The following ATRX variants were observed in gnomAD, a reference collection of about 807,000 sequenced individuals.
ATRX encodes the protein ATRX chromatin remodeler.
A neutral mutation model predicts 172.6 loss-of-function variants in ATRX; 12 were observed. That is an observed-to-expected ratio of 0.07 (90% CI 0.04 to 0.11). The LOEUF (loss-of-function observed/expected upper bound fraction) is 0.11. Among genes scored for constraint, ATRX ranks in the 10% least tolerant of loss-of-function variants. ATRX has a pLI of 1.00. For synonymous variants in ATRX, 674 were observed against 594.7 expected (o/e 1.13, Z -1.94); for missense variants, 1,368 against 1,767.4 (o/e 0.77, Z 4.05).
intron 1 of ATRX, among the ~76,000 whole-genome samples, chrX:77,728,764 C>CTTTTT (rs200509557): frequency 1.1e-5 from 1 of 94,094 alleles, no homozygotes; most frequent in African/African-American, 3.9e-5. Context: ...CTTTTCTTTT[C>CTTTTT]TTTTTTTTTT....
chrX:77,590,611 C>CA (rs782519159), intron 26 of ATRX, among the ~76,000 whole-genome samples: 413 of 31,896 alleles, frequency 0.013, 1 homozygote, highest in African/African-American at 0.02. Context: ...GACTCTGTCT[C>CA]AAAAAAAAAA....
At chrX:77,715,246 T>C (rs1557163994) in intron 2 of ATRX, among the ~76,000 whole-genome samples, 1 of 112,171 alleles carries the variant, frequency 8.9e-6, no homozygotes, top group East Asian at 2.8e-4. Flanking sequence ...ATTATAATAC[T>C]GTATTTTTAC....
intron 1 of ATRX, among the ~76,000 whole-genome samples, chrX:77,772,750 G>C (rs1157378006): frequency 9.1e-6 from 1 of 109,817 alleles, no homozygotes; most frequent in African/African-American, 3.3e-5. Flanking sequence ...CAAAGTGCTG[G>C]GATCACTCCC....
At chrX:77,762,471 G>A (rs528059554) in intron 1 of ATRX, among the ~76,000 whole-genome samples, 6 of 110,339 alleles carry the variant, frequency 5.4e-5, no homozygotes, top group South Asian at 3.8e-4. Flanking sequence ...ATAAAGGTTC[G>A]TAGAACATGA....
At position 77,762,906 on chromosome X, in the gene ATRX, G is replaced by GA. The variant is rs1240293658; in HGVS notation, c.20+23075dup. ...ATTATGATGTGTACTGGCACCAGAA[G>GA]AAAAAAAATCAACTTATCTTTTTGC... On this transcript the variant is annotated intron_variant, in intron 1 of 34. Coordinates refer to ENST00000373344, the MANE Select transcript of ATRX (RefSeq NM_000489.6). 9.1e-5 allele frequency among the ~76,000 whole-genome samples: 10 copies of GA among 110,434 alleles called. No individual in the cohort carries two copies. The South Asian group carries it at 1.1e-3, about 12-fold the overall frequency.
intron 1 of ATRX, among the ~76,000 whole-genome samples, chrX:77,771,521 C>A (rs185880111): frequency 9.0e-6 from 1 of 110,550 alleles, no homozygotes; most frequent in Non-Finnish European, 1.9e-5. Context: ...AGACATAACC[C>A]GTTCCACCAC....
intron 27 of ATRX, among the ~76,000 whole-genome samples, chrX:77,579,168 C>T (rs933260353): frequency 8.9e-6 from 1 of 112,735 alleles, no homozygotes; most frequent in East Asian, 2.8e-4. Context: ...TGGCTCCAGG[C>T]CCTGGCTCCA....
At chrX:77,544,661 T>C (rs2064164772) in intron 30 of ATRX, among the ~76,000 whole-genome samples, 1 of 106,863 alleles carries the variant, frequency 9.4e-6, no homozygotes, top group East Asian at 3.0e-4. Context: ...AGTGAGAATA[T>C]GCGGTGTCTG....
chrX:77,750,625 T>A (rs1174653642), intron 1 of ATRX, among the ~76,000 whole-genome samples: 1 of 110,109 alleles, frequency 9.1e-6, no homozygotes, highest in Non-Finnish European at 1.9e-5. Context: ...CAACCCATCA[T>A]CTAGGTTTTA....
chrX:77,540,790 C>T (rs2063949762), intron 30 of ATRX, among the ~76,000 whole-genome samples: 1 of 111,686 alleles, frequency 9.0e-6, no homozygotes, highest in African/African-American at 3.3e-5. Flanking sequence ...TACAACGTAT[C>T]AAAATCTCTG....
rs1330041876 is a variant in ATRX at position 77,684,066 on chromosome X, G to C, written c.1190C>G (p.Ser397Cys). The change falls in exon 9 of 35, where the codon TCT (serine) becomes TGT (cysteine). Residue 397 changes from serine to cysteine, a missense_variant. Coordinates refer to ENST00000373344, the MANE Select transcript of ATRX (RefSeq NM_000489.6). ...AGCCTTCTTAATATCAGCCAACACA[G>C]ACTTAAAAGCCTTAAGCTGACGTAA... ...TKLRQLKAFK[S>C]VLADIKKAHL... 7 of 1,206,841 alleles carry C rather than the reference G, an allele frequency of 5.8e-6. No homozygotes were observed. Among genetic ancestry groups the C allele is most frequent in the Non-Finnish European group, 7.8e-6 (7 of 892,281 alleles).
intron 2 of ATRX, among the ~76,000 whole-genome samples, chrX:77,714,407 G>C (rs1251940545): frequency 9.0e-6 from 1 of 111,278 alleles, no homozygotes; most frequent in Non-Finnish European, 1.9e-5. Context: ...CAAACTTTGT[G>C]GTCATTTGCA....
intron 1 of ATRX, among the ~76,000 whole-genome samples, chrX:77,776,889 G>T (rs1416493931): frequency 3.6e-5 from 4 of 111,295 alleles, no homozygotes; most frequent in African/African-American, 1.3e-4. Context: ...TTTTAGAGGG[G>T]TGTAGTATCC....
chrX:77,538,230 A>AAC (rs34675782), intron 30 of ATRX, among the ~76,000 whole-genome samples: 17,304 of 95,737 alleles, frequency 0.18, 1,352 homozygotes, highest in East Asian at 0.23. Context: ...TACACACACA[A>AAC]ACACACACAC....
intron 28 of ATRX, among the ~76,000 whole-genome samples, chrX:77,572,032 T>C (rs1286249360): frequency 8.9e-6 from 1 of 112,105 alleles, no homozygotes. Flanking sequence ...TACAGAGATA[T>C]AATCTAAAAC....
intron 30 of ATRX, among the ~76,000 whole-genome samples, chrX:77,553,936 C>T (rs2064663339): frequency 9.0e-6 from 1 of 111,353 alleles, no homozygotes; most frequent in African/African-American, 3.3e-5. Flanking sequence ...CCTTAGAGAC[C>T]AGTACAATTG....
At chrX:77,722,991 A>G (rs1301116813) in intron 1 of ATRX, among the ~76,000 whole-genome samples, 1 of 112,220 alleles carries the variant, frequency 8.9e-6, no homozygotes, top group Non-Finnish European at 1.9e-5. Context: ...CATATACCCC[A>G]TGGAATACTA....
chrX:77,587,583 T>C (rs1679112954), intron 27 of ATRX, among the ~76,000 whole-genome samples: 1 of 111,746 alleles, frequency 8.9e-6, no homozygotes, highest in Non-Finnish European at 1.9e-5. Context: ...CCACTTTCAC[T>C]CAACATTGTA....
chrX:77,716,588 C>G (rs2073440654), intron 2 of ATRX, among the ~76,000 whole-genome samples: 1 of 107,543 alleles, frequency 9.3e-6, no homozygotes. Flanking sequence ...ACTAAAAATA[C>G]CAAAATTAGC....
Sources: gnomAD v4.1 joint callset for allele counts (sites outside exome capture counted in the v4.1 genomes callset) on GRCh38, gnomAD v4.1.1 for gene constraint, MANE v1.5 for transcripts, NCBI Gene and HGNC (gene_info 2026-07-23, HGNC 2026-07-21) for gene names.